TBX18: variants seen among roughly 807,000 people sequenced by gnomAD.
TBX18 encodes T-box transcription factor 18.
A neutral mutation model predicts 55.0 loss-of-function variants in TBX18; 21 were observed. The ratio of observed to expected loss-of-function variants is 0.38; its 90% CI spans 0.27 to 0.55. TBX18 has a LOEUF of 0.55. Ranked by LOEUF, TBX18 falls within the 20% of genes least tolerant of loss-of-function variation. TBX18 has a pLI of 0.73. For synonymous variants in TBX18, 342 were observed against 326.1 expected (o/e 1.05, Z -0.53); for missense variants, 840 against 799.6 (o/e 1.05, Z -0.61).
At chr6:84,750,883 ACT>A (rs1204686759) in intron 4 of TBX18, among the ~76,000 whole-genome samples, 1 of 152,040 alleles carries the variant, frequency 6.6e-6, no homozygotes, top group African/African-American at 2.4e-5. Context: ...ATTAATGTTA[ACT>A]CTGTTTTTCC....
At chr6:84,760,380 GA>G (rs766630152) in intron 2 of TBX18, 24 bp from the exon 3 acceptor site, 1 of 1,569,750 alleles carries the variant, frequency 6.4e-7, no homozygotes, top group Admixed American at 1.8e-5. Context: ...CGAAGAGAAA[GA>G]GGGTTTGGGG....
Position 84,736,603 on chromosome 6 carries a change from G to T in TBX18, c.*82C>A, listed in dbSNP as rs9450013. The T allele has an allele frequency of 1.4e-6, 2 of 1,418,914 alleles. No homozygotes were observed. Among genetic ancestry groups the T allele is most frequent in the South Asian group, 1.6e-5 (1 of 61,586 alleles). 87.9% of individuals were successfully genotyped at this position (1,418,914 alleles called of 1,614,324 possible). ...ATATGTACATTTTATAAACCACAGA[G>T]AGTTTCTTTCCACATAGCTTTTAAA... On this transcript the variant is annotated 3_prime_UTR_variant, in exon 8 of 8. Coordinates refer to ENST00000369663, the MANE Select transcript of TBX18 (RefSeq NM_001080508.3).
Position 84,734,419 on chromosome 6 carries a change from G to T in TBX18, c.*2266C>A, listed in dbSNP as rs1482065838. On this transcript the variant is annotated 3_prime_UTR_variant, in exon 8 of 8. Transcript: ENST00000369663. ...GATCAATATTTTTAGACATTAAAATGATTACCCTCCAAAATCATAAAAGGG... is the reference window on the plus strand; with the variant it reads ...GATCAATATTTTTAGACATTAAAATTATTACCCTCCAAAATCATAAAAGGG... 1 of 152,122 alleles carries T rather than the reference G, an allele frequency of 6.6e-6. No individual in the cohort carries two copies. Among genetic ancestry groups the T allele is most frequent in the Non-Finnish European group, 1.5e-5 (1 of 68,006 alleles). 9.4% of individuals were successfully genotyped at this position (152,122 alleles called of 1,614,324 possible).
Position 84,738,606 on chromosome 6 carries a change from T to C in TBX18, c.1005-15A>G. ...CCAAACCCATTCTAAATGGAAAGGGTCAGGATAGGGGTGGACAAAAGAAGT... is the reference window on the plus strand; with the variant it reads ...CCAAACCCATTCTAAATGGAAAGGGCCAGGATAGGGGTGGACAAAAGAAGT... On this transcript the variant is annotated splice_polypyrimidine_tract_variant and intron_variant, in intron 6 of 7. Transcript: ENST00000369663. 6.2e-7 allele frequency: 1 copy of C among 1,604,512 alleles called. No homozygotes were observed.
At position 84,764,513 on chromosome 6, in the gene TBX18, T is replaced by TA. The variant is rs1328768360; in HGVS notation, c.-333dup. 2.7e-5 allele frequency: 8 copies of TA among 293,536 alleles called. No individual in the cohort carries two copies. Among genetic ancestry groups the TA allele is most frequent in the Non-Finnish European group, 1.9e-5 (3 of 159,916 alleles). 18.2% of individuals were successfully genotyped at this position (293,536 alleles called of 1,614,324 possible). A position where few individuals can be genotyped will look rare whatever the true frequency, so the allele number is the denominator to read the frequency against. On this transcript the variant is annotated 5_prime_UTR_variant, in exon 1 of 8. Coordinates refer to ENST00000369663, the MANE Select transcript of TBX18 (RefSeq NM_001080508.3). Reference sequence around the variant, plus strand: ...ATGCGCCAGAGAGGACTAACATGGGTAAAAAACACTCTGTGGACACAAATT... The same window carrying TA: ...ATGCGCCAGAGAGGACTAACATGGGTAAAAAAACACTCTGTGGACACAAATT...
At position 84,760,334 on chromosome 6, in the gene TBX18, C is replaced by T; in HGVS notation, c.520G>A (p.Val174Met). ...TGAGGATCTAATCCAGAGATCTTCA[C>T]TCTCATTGCTGGAAACATGCGCCTA... is the stretch of plus-strand genomic sequence containing the variant. ...AGRRMFPAMR[V>M]KISGLDPHQQ... is the part of the protein sequence containing the mutation. The change falls in exon 3 of 8, where the codon GTG becomes ATG. Residue 174 changes from valine to methionine, a missense_variant. Val to Met is a conservative substitution (Grantham distance 21). Coordinates refer to ENST00000369663, the MANE Select transcript of TBX18 (RefSeq NM_001080508.3). The T allele has an allele frequency of 6.2e-7, 1 of 1,603,258 alleles. No homozygotes were observed. The highest frequency in any genetic ancestry group is 8.5e-7 in the Non-Finnish European group (1 of 1,173,860).
chr6:84,758,182 C>T (rs1024672548), intron 3 of TBX18, among the ~76,000 whole-genome samples: 5 of 151,862 alleles, frequency 3.3e-5, no homozygotes, highest in East Asian at 1.9e-4. Flanking sequence ...CTGAGGTAGG[C>T]GGATCACGAG....
At chr6:84,754,823 A>C (rs1430019725) in intron 4 of TBX18, among the ~76,000 whole-genome samples, 1 of 152,174 alleles carries the variant, frequency 6.6e-6, no homozygotes, top group Non-Finnish European at 1.5e-5. Context: ...TCAGTTGAAG[A>C]CTGTAGGAGA....
chr6:84,738,348 T>A, intron 7 of TBX18, 149 bp downstream of exon 7: 120 of 688,512 alleles, frequency 1.7e-4, no homozygotes, highest in Middle Eastern at 4.0e-4. Flanking sequence ...TCCATCCCCA[T>A]ACCATGCAGA....
chr6:84,747,510 A>G (rs1767228184), intron 5 of TBX18, among the ~76,000 whole-genome samples: 1 of 152,224 alleles, frequency 6.6e-6, no homozygotes, highest in Non-Finnish European at 1.5e-5. Flanking sequence ...TACCAAAATG[A>G]CTATACAGGA....
chr6:84,764,467 C>T lies in TBX18; in HGVS notation c.-286G>A. The T allele has an allele frequency of 2.5e-6, 1 of 401,710 alleles. No individual in the cohort carries two copies. The highest frequency in any genetic ancestry group is 4.4e-6 in the Non-Finnish European group (1 of 228,262). 24.9% of individuals were successfully genotyped at this position (401,710 alleles called of 1,614,324 possible). ...CCACCCCTTCCACCTCCTCCTGCTG[C>T]TCCGAGGTCTGCCTCAACTGATGCG... On this transcript the variant is annotated 5_prime_UTR_variant, in exon 1 of 8. Coordinates refer to ENST00000369663, the MANE Select transcript of TBX18 (RefSeq NM_001080508.3).
chr6:84,739,354 T>C (rs927023346), intron 6 of TBX18, among the ~76,000 whole-genome samples: 16 of 152,258 alleles, frequency 1.1e-4, no homozygotes, highest in African/African-American at 3.6e-4. Context: ...ACTACTTACA[T>C]GACATACGTA....
intron 4 of TBX18, among the ~76,000 whole-genome samples, chr6:84,755,060 C>T (rs543484630): frequency 7.2e-4 from 109 of 152,028 alleles, no homozygotes; most frequent in African/African-American, 2.3e-3. Flanking sequence ...CACACAAACA[C>T]GCACACACCC....
At chr6:84,762,514 G>T in intron 2 of TBX18, 30 bp downstream of exon 2, 1 of 1,612,042 alleles carries the variant, frequency 6.2e-7, no homozygotes, top group African/African-American at 1.3e-5. Flanking sequence ...CTGGGGTAGG[G>T]AGGGGCGTCC....
intron 4 of TBX18, among the ~76,000 whole-genome samples, chr6:84,753,719 A>C (rs1450468167): frequency 2.0e-5 from 3 of 152,230 alleles, no homozygotes; most frequent in Non-Finnish European, 4.4e-5. Context: ...ACAAATTCCT[A>C]ATATTTAATC....
Position 84,756,763 on chromosome 6 carries a change from T to G in TBX18, c.706A>C (p.Met236Leu), listed in dbSNP as rs921298112. Reference protein sequence around the residue: ...PDSPASGETWMRQVISFDKLK... With the variant: ...PDSPASGETWLRQVISFDKLK... ...TTGTCGAAGCTGATAACTTGTCTCATCCAAGTCTCCCCCGAGGCAGGCGAG... is the reference window on the plus strand; with the variant it reads ...TTGTCGAAGCTGATAACTTGTCTCAGCCAAGTCTCCCCCGAGGCAGGCGAG... The change falls in exon 4 of 8, where the codon ATG becomes CTG. Residue 236 changes from methionine (M) to leucine (L), a missense_variant. Transcript: ENST00000369663. 1.9e-6 allele frequency: 3 copies of G among 1,613,994 alleles called. No individual in the cohort carries two copies. The African/African-American group carries it at 4.0e-5, about 22-fold the overall frequency.
Position 84,736,808 on chromosome 6 carries a change from C to G in TBX18, c.1701G>C (p.Gln567His). Reference sequence around the variant, plus strand: ...GCACTCCTTCCACAGGGGGCAACATCTGCCGATCCGTCATGGTCCCACTCG... The same window carrying G: ...GCACTCCTTCCACAGGGGGCAACATGTGCCGATCCGTCATGGTCCCACTCG... ...SSPSGTMTDR[Q>H]MLPPVEGVHL... The change falls in exon 8 of 8, where the codon CAG becomes CAC. Residue 567 changes from glutamine (Q) to histidine (H), a missense_variant. Gln to His is a conservative substitution (Grantham distance 24). Transcript: ENST00000369663. 6.2e-7 allele frequency: 1 copy of G among 1,614,152 alleles called. No individual in the cohort carries two copies. Among genetic ancestry groups the G allele is most frequent in the Non-Finnish European group, 8.5e-7 (1 of 1,180,026 alleles).
chr6:84,764,292 A>T lies in TBX18; in HGVS notation c.-111T>A. ...TAAAAGGCTCTCGGGGCCTCCCGAGATCTGCCCCCTTCCCCACCGCGGGCA... is the reference window on the plus strand; with the variant it reads ...TAAAAGGCTCTCGGGGCCTCCCGAGTTCTGCCCCCTTCCCCACCGCGGGCA... On this transcript the variant is annotated 5_prime_UTR_variant, in exon 1 of 8. Transcript: ENST00000369663. The T allele has an allele frequency of 7.6e-7, 1 of 1,310,916 alleles. No individual in the cohort carries two copies. The highest frequency in any genetic ancestry group is 9.8e-7 in the Non-Finnish European group (1 of 1,019,672). The allele number at this position is 1,310,916 out of a possible 1,614,324, so 81.2% of individuals were successfully genotyped here.
chr6:84,764,181 T>TGCCCCCCCC lies in TBX18; in HGVS notation c.-1_1insGGGGGGGGC. 6.9e-7 allele frequency: 1 copy of TGCCCCCCCC among 1,443,402 alleles called. No homozygotes were observed. Among genetic ancestry groups the TGCCCCCCCC allele is most frequent in the Non-Finnish European group, 9.0e-7 (1 of 1,105,872 alleles). 89.4% of individuals were successfully genotyped at this position (1,443,402 alleles called of 1,614,324 possible). On this transcript the variant is annotated 5_prime_UTR_variant, in exon 1 of 8. Transcript: ENST00000369663. ...GGCGAGCCCCTTCGCTTCTCGGCCA[T>TGCCCCCCCC]CCCCCCCGCCCCGCGCCCGCCCGCC... is the stretch of plus-strand genomic sequence containing the variant.
Sources: allele counts gnomAD v4.1 joint callset (sites outside exome capture counted in the v4.1 genomes callset), GRCh38; gene constraint gnomAD v4.1.1; transcripts MANE v1.5; gene names NCBI Gene and HGNC (gene_info 2026-07-23, HGNC 2026-07-21).